ZNF716: variants seen among roughly 807,000 people sequenced by gnomAD.
ZNF716 encodes zinc finger protein 716.
A neutral mutation model predicts 13.4 loss-of-function variants in ZNF716; 9 were observed. The ratio of observed to expected loss-of-function variants is 0.67; its 90% CI spans 0.41 to 1.18. ZNF716 has a LOEUF of 1.18. Ranked by LOEUF, ZNF716 falls within the 50% of genes most tolerant of loss-of-function variation. The pLI is 0.01. For synonymous variants in ZNF716, 186 were observed against 195.2 expected, an observed-to-expected ratio of 0.95 and a Z score of 0.39; for missense variants, 581 against 576.6, an observed-to-expected ratio of 1.01 and a Z score of -0.08.
intron 1 of ZNF716, among the ~76,000 whole-genome samples, chr7:57,454,489 T>G (rs1789551656): frequency 6.6e-6 from 1 of 152,162 alleles, no homozygotes; most frequent in African/African-American, 2.4e-5. Context: ...ATTGAAGGCC[T>G]AGTCAGTTCT....
intron 3 of ZNF716, among the ~76,000 whole-genome samples, chr7:57,464,935 A>T (rs1454109715): frequency 2.0e-5 from 3 of 152,088 alleles, no homozygotes; most frequent in African/African-American, 7.2e-5. Context: ...TCATGTCTTT[A>T]TCTGTCCTTA....
intron 1 of ZNF716, among the ~76,000 whole-genome samples, chr7:57,453,475 T>C (rs2116403428): frequency 6.6e-6 from 1 of 152,320 alleles, no homozygotes; most frequent in Middle Eastern, 3.4e-3. Flanking sequence ...GAGCTCAATA[T>C]GTAAGAAAAT....
chr7:57,459,747 G>A (rs1422018242), intron 1 of ZNF716, among the ~76,000 whole-genome samples: 8 of 152,164 alleles, frequency 5.3e-5, no homozygotes, highest in South Asian at 2.1e-4. Context: ...AGGTCAGTGC[G>A]GTTCATGCTC....
At chr7:57,452,618 A>G (rs891391672) in intron 1 of ZNF716, among the ~76,000 whole-genome samples, 19 of 152,138 alleles carry the variant, frequency 1.2e-4, no homozygotes, top group Non-Finnish European at 2.6e-4. Context: ...AACCTGGACA[A>G]CAGATTGAGA....
chr7:57,461,925 C>T (rs1305635804), intron 1 of ZNF716, among the ~76,000 whole-genome samples: 2 of 151,980 alleles, frequency 1.3e-5, no homozygotes, highest in East Asian at 1.9e-4. Flanking sequence ...TTTGGGAGGC[C>T]GAGGTGGGTG....
At position 57,460,665 on chromosome 7, in the gene ZNF716, T is replaced by C. The variant is rs188165730; in HGVS notation, c.40-1795T>C. ...TGACCTGCAATATTTAAAATGTTCCTATTGTAGCTGTTGAACATGAGAAGG... is the reference window on the plus strand; with the variant it reads ...TGACCTGCAATATTTAAAATGTTCCCATTGTAGCTGTTGAACATGAGAAGG... On this transcript the variant is annotated intron_variant, in intron 1 of 3. Coordinates refer to ENST00000420713, the MANE Select transcript of ZNF716 (RefSeq NM_001159279.1). 3.1e-3 allele frequency among the ~76,000 whole-genome samples: 470 copies of C among 152,318 alleles called. 2 individuals carry two copies. The highest frequency in any genetic ancestry group is 4.7e-3 in the Non-Finnish European group (323 of 68,028).
chr7:57,451,958 G>T (rs1471926844), intron 1 of ZNF716, among the ~76,000 whole-genome samples: 1 of 149,092 alleles, frequency 6.7e-6, no homozygotes, highest in Non-Finnish European at 1.5e-5. Flanking sequence ...ATAGAGATGG[G>T]GTTTCACCAT....
chr7:57,462,105 A>C (rs1444205238), intron 1 of ZNF716, among the ~76,000 whole-genome samples: 1 of 151,732 alleles, frequency 6.6e-6, no homozygotes, highest in Non-Finnish European at 1.5e-5. Flanking sequence ...GGTTGCAGTG[A>C]GCCAATTATC....
chr7:57,458,904 G>A (rs567430498), intron 1 of ZNF716, among the ~76,000 whole-genome samples: 1 of 152,174 alleles, frequency 6.6e-6, no homozygotes, highest in South Asian at 2.1e-4. Flanking sequence ...TTTCTAACTT[G>A]TTGATGTGGA....
chr7:57,460,690 G>T lies in ZNF716; in HGVS notation c.40-1770G>T, dbSNP rs192966549. Among the ~76,000 whole-genome samples the T allele has an allele frequency of 4.7e-3, 709 of 152,216 alleles. 6 individuals carry two copies. The highest frequency in any genetic ancestry group is 0.016 in the African/African-American group (680 of 41,540). Reference sequence around the variant, plus strand: ...TATTGTAGCTGTTGAACATGAGAAGGTGTGGATACTCAATATTTCTTTGGG... The same window carrying T: ...TATTGTAGCTGTTGAACATGAGAAGTTGTGGATACTCAATATTTCTTTGGG... On this transcript the variant is annotated intron_variant, in intron 1 of 3. Transcript: ENST00000420713.
Position 57,468,917 on chromosome 7 carries a change from CCAAAA to C in ZNF716, c.464_468del (p.Lys155IlefsTer5), listed in dbSNP as rs782430519. Reference sequence around the variant, plus strand: ...ATGTTAACCAATGTTTGTCAGCTACCCAAAACAAAACATTTCAGACTCATAAATGC... The same window carrying C: ...ATGTTAACCAATGTTTGTCAGCTACCCAAAACATTTCAGACTCATAAATGC... On this transcript the variant is annotated frameshift_variant, in exon 4 of 4. Coordinates refer to ENST00000420713, the MANE Select transcript of ZNF716 (RefSeq NM_001159279.1). LOFTEE classifies it low-confidence loss of function (END_TRUNC). 1.9e-6 allele frequency: 3 copies of C among 1,612,326 alleles called. No homozygotes were observed. In the South Asian group the frequency reaches 3.3e-5, roughly 18 times the overall value.
At chr7:57,466,045 G>C (rs1789806021) in intron 3 of ZNF716, among the ~76,000 whole-genome samples, 1 of 151,820 alleles carries the variant, frequency 6.6e-6, no homozygotes, top group Admixed American at 6.6e-5. Context: ...TGGGGTGGGG[G>C]GAGTGGGGAG....
chr7:57,466,919 T>C (rs1554324246), intron 3 of ZNF716, among the ~76,000 whole-genome samples: 1 of 152,072 alleles, frequency 6.6e-6, no homozygotes, highest in East Asian at 1.9e-4. Flanking sequence ...TGCATATACA[T>C]ATATGTAGAC....
At chr7:57,463,272 G>T in intron 3 of ZNF716, 104 bp downstream of exon 3, 1 of 1,471,746 alleles carries the variant, frequency 6.8e-7, no homozygotes, top group Non-Finnish European at 9.2e-7. Flanking sequence ...TTCGATGGAA[G>T]AGTTTCTGAG....
Position 57,469,324 on chromosome 7 carries a change from G to T in ZNF716, c.863G>T (p.Arg288Ile), listed in dbSNP as rs1554324731. ...CGCTCAACACTTACTAACTACAAGA[G>T]AATTCATACTGGAGAGAAACCCTAC... Reference protein sequence around the residue: ...FSRSTLTNYKRIHTGEKPYTC... With the variant: ...FSRSTLTNYKIIHTGEKPYTC... The change falls in exon 4 of 4, where the codon AGA becomes ATA. Residue 288 changes from arginine to isoleucine, a missense_variant. Arg to Ile is a moderately conservative substitution (Grantham distance 97, BLOSUM62 -3). Coordinates refer to ENST00000420713, the MANE Select transcript of ZNF716 (RefSeq NM_001159279.1). The T allele has an allele frequency of 3.7e-6, 6 of 1,608,508 alleles. No individual in the cohort carries two copies. The Admixed American group carries it at 8.4e-5, about 22-fold the overall frequency.
chr7:57,452,715 T>C (rs1263942271), intron 1 of ZNF716, among the ~76,000 whole-genome samples: 1 of 152,168 alleles, frequency 6.6e-6, no homozygotes, highest in Non-Finnish European at 1.5e-5. Context: ...TTCTTTTGTC[T>C]TCTCCAAGCA....
chr7:57,450,417 A>C lies in ZNF716; in HGVS notation c.39+90A>C. The stretch of plus-strand genomic sequence containing the variant: ...TGTAGCAGGACCCAAACTTCCTCGC[A>C]GTCAGCTCCGGAGTCTGAGGACCCA... On this transcript the variant is annotated intron_variant, in intron 1 of 3. Transcript: ENST00000420713. 22 of 1,609,004 alleles carry C rather than the reference A, an allele frequency of 1.4e-5. 1 individual carries two copies. The South Asian group carries it at 2.4e-4, about 18-fold the overall frequency.
At chr7:57,455,040 T>TTCTGAATC (rs1439007059) in intron 1 of ZNF716, among the ~76,000 whole-genome samples, 3 of 150,822 alleles carry the variant, frequency 2.0e-5, no homozygotes, top group African/African-American at 7.3e-5. Flanking sequence ...AAAAAAAAAG[T>TTCTGAATC]TCTGAATCCC....
At chr7:57,452,083 C>T (rs1388465851) in intron 1 of ZNF716, among the ~76,000 whole-genome samples, 1 of 152,142 alleles carries the variant, frequency 6.6e-6, no homozygotes, top group African/African-American at 2.4e-5. Flanking sequence ...GTGTCTTAAG[C>T]AGGGTCTTAA....
Sources: gnomAD v4.1 joint callset for allele counts (sites outside exome capture counted in the v4.1 genomes callset) on GRCh38, gnomAD v4.1.1 for gene constraint, MANE v1.5 for transcripts, NCBI Gene and HGNC (gene_info 2026-07-23, HGNC 2026-07-21) for gene names.